Variants in ATG4B observed in about 807,000 individuals in gnomAD.
ATG4B encodes cysteine protease ATG4B.
In ATG4B, 29 loss-of-function variants were observed where a neutral mutation model predicts 56.6. That is an observed-to-expected ratio of 0.51 (90% CI 0.38 to 0.70). ATG4B has a LOEUF of 0.70. Ranked by LOEUF, ATG4B falls within the 30% of genes least tolerant of loss-of-function variation. ATG4B has a pLI of 0.00. For missense variants in ATG4B, 461 were observed against 515.5 expected (o/e 0.89, Z 1.02); for synonymous variants, 224 against 206.1 (o/e 1.09, Z -0.74).
rs975978912 is a variant in ATG4B, at chr2:241,673,125, G to A, written c.*861G>A. 1.1e-5 allele frequency: 2 copies of A among 190,104 alleles called. No individual in the cohort carries two copies. The highest frequency in any genetic ancestry group is 4.6e-5 in the African/African-American group (2 of 43,736). 11.8% of individuals were successfully genotyped at this position (190,104 alleles called of 1,614,324 possible). On this transcript the variant is annotated 3_prime_UTR_variant, in exon 13 of 13. Transcript: ENST00000404914. ...TCCCAGGAGCCTTCCCCATGTCCTTGCCTTGCTGAGAATTGCCCTCCCATG... is the reference window on the plus strand; with the variant it reads ...TCCCAGGAGCCTTCCCCATGTCCTTACCTTGCTGAGAATTGCCCTCCCATG...
At chr2:241,662,124 CCT>C (rs1309119336) in intron 7 of ATG4B, among the ~76,000 whole-genome samples, 2 of 152,110 alleles carry the variant, frequency 1.3e-5, no homozygotes, top group South Asian at 2.1e-4. Context: ...AGAAAATTCC[CCT>C]GAGTTGGTGA....
intron 5 of ATG4B, 66 bp downstream of exon 5, chr2:241,654,713 C>A: frequency 1.5e-6 from 2 of 1,292,600 alleles, no homozygotes; most frequent in Non-Finnish European, 2.2e-6. Context: ...TGGTCGGTTT[C>A]CCCTCAGAGC....
intron 1 of ATG4B, among the ~76,000 whole-genome samples, chr2:241,642,043 AC>A (rs908638804): frequency 3.3e-5 from 5 of 151,792 alleles, no homozygotes; most frequent in African/African-American, 4.8e-5. Context: ...TAAAAAAAAA[AC>A]AGAACTTGAA....
At position 241,642,899 on chromosome 2, in the gene ATG4B, A is replaced by T. The variant is rs1306471945; in HGVS notation, c.10+5175A>T. ...TTTTTTTTTTTTTTTTTTTTTTTTT[A>T]AGACGGAGTCTCACTGTCGCCCAGA... On this transcript the variant is annotated intron_variant, in intron 1 of 12. Coordinates refer to ENST00000404914, the MANE Select transcript of ATG4B (RefSeq NM_013325.5). Among the ~76,000 whole-genome samples the T allele has an allele frequency of 8.5e-3, 153 of 17,986 alleles. 2 individuals carry two copies. Among genetic ancestry groups the T allele is most frequent in the African/African-American group, 0.02 (72 of 3,590 alleles). 11.8% of individuals were successfully genotyped at this position (17,986 alleles called of 152,430 possible). A position where few individuals can be genotyped will look rare whatever the true frequency, so the allele number is the denominator to read the frequency against.
At chr2:241,647,970 C>G (rs1429864866) in intron 1 of ATG4B, among the ~76,000 whole-genome samples, 1 of 152,002 alleles carries the variant, frequency 6.6e-6, no homozygotes, top group African/African-American at 2.4e-5. Context: ...AAAAATTAGC[C>G]GGGCATGGTG....
intron 6 of ATG4B, among the ~76,000 whole-genome samples, chr2:241,657,701 C>A (rs1256492064): frequency 6.6e-6 from 1 of 152,230 alleles, no homozygotes; most frequent in Non-Finnish European, 1.5e-5. Context: ...AGTGTTCATC[C>A]TTTCACTCCC....
intron 1 of ATG4B, among the ~76,000 whole-genome samples, chr2:241,647,662 T>A (rs977458899): frequency 1.4e-5 from 2 of 143,970 alleles, no homozygotes; most frequent in Admixed American, 7.0e-5. Context: ...ATTAGACCGG[T>A]GGTGTTTTCA....
chr2:241,653,238 C>T lies in ATG4B; in HGVS notation c.185-274C>T, dbSNP rs879523097. 4.3e-6 allele frequency: 5 copies of T among 1,155,256 alleles called. No individual in the cohort carries two copies. In the East Asian group the frequency reaches 1.1e-4, roughly 25 times the overall value. The allele number at this position is 1,155,256 out of a possible 1,614,324, so 71.6% of individuals were successfully genotyped here. A position where few individuals can be genotyped will look rare whatever the true frequency, so the allele number is the denominator to read the frequency against. ...CTGGATGACTTACGGGGGTCAGTGTCTTCATATGTTTGTCAGACATTCCTT... is the reference window on the plus strand; with the variant it reads ...CTGGATGACTTACGGGGGTCAGTGTTTTCATATGTTTGTCAGACATTCCTT... On this transcript the variant is annotated intron_variant, in intron 3 of 12. Coordinates refer to ENST00000404914, the MANE Select transcript of ATG4B (RefSeq NM_013325.5).
intron 3 of ATG4B, among the ~76,000 whole-genome samples, chr2:241,652,384 C>T (rs1049519005): frequency 1.1e-4 from 16 of 152,194 alleles, no homozygotes; most frequent in Admixed American, 7.2e-4. Context: ...AGGACTGGAG[C>T]GAAGCCTTTC....
chr2:241,657,290 C>CTT (rs770740815), intron 6 of ATG4B, among the ~76,000 whole-genome samples: 10 of 128,458 alleles, frequency 7.8e-5, no homozygotes, highest in Non-Finnish European at 6.6e-5. Context: ...TCCTCTCTTT[C>CTT]TTTTTTTTTT....
Position 241,671,921 on chromosome 2 carries a change from G to C in ATG4B, c.1109-270G>C, listed in dbSNP as rs571875477. The C allele has an allele frequency of 5.8e-6, 8 of 1,368,248 alleles. No individual in the cohort carries two copies. The African/African-American group carries it at 1.2e-4, about 20-fold the overall frequency. The allele number at this position is 1,368,248 out of a possible 1,614,324, so 84.8% of individuals were successfully genotyped here. A position where few individuals can be genotyped will look rare whatever the true frequency, so the allele number is the denominator to read the frequency against. ...CAATGGAACCACTCCTGATGACCAC[G>C]AGGGTCAGACGCGGGACAGAGGCCC... On this transcript the variant is annotated intron_variant, in intron 12 of 12. Transcript: ENST00000404914.
rs1157506339 is a variant in ATG4B at position 241,654,591 on chromosome 2, G to A, written c.329G>A (p.Ser110Asn). ...QRKRQPDSYF[S>N]VLNAFIDRKD... The stretch of plus-strand genomic sequence containing the variant: ...AAGAGGCAGCCAGACAGCTACTTCA[G>A]CGTCCTCAACGCATTCATCGACAGG... The change falls in exon 5 of 13, where the codon AGC becomes AAC. Residue 110 changes from serine (S) to asparagine (N), a missense_variant. Transcript: ENST00000404914. 1.9e-6 allele frequency: 3 copies of A among 1,603,394 alleles called. No homozygotes were observed. The highest frequency in any genetic ancestry group is 2.2e-5 in the East Asian group (1 of 44,580).
At chr2:241,650,971 T>TA in intron 1 of ATG4B, 39 bp from the exon 2 acceptor site, 1 of 1,535,282 alleles carries the variant, frequency 6.5e-7, no homozygotes, top group Non-Finnish European at 9.0e-7. Flanking sequence ...TTTATGAAAT[T>TA]ATAAGTGTCT....
At chr2:241,666,140 G>A (rs1230231229) in intron 7 of ATG4B, among the ~76,000 whole-genome samples, 12 of 152,226 alleles carry the variant, frequency 7.9e-5, no homozygotes, top group African/African-American at 2.2e-4. Context: ...GAGAAACCTC[G>A]ATCTAGACGC....
At chr2:241,670,539 A>AG in intron 10 of ATG4B, 187 bp from the exon 11 acceptor site, 1 of 633,454 alleles carries the variant, frequency 1.6e-6, no homozygotes, top group Admixed American at 2.5e-5. Context: ...GCACTGGTGC[A>AG]GGGGACCATG....
intron 6 of ATG4B, among the ~76,000 whole-genome samples, chr2:241,655,826 C>T (rs1305380974): frequency 3.9e-5 from 6 of 152,360 alleles, no homozygotes; most frequent in African/African-American, 1.2e-4. Context: ...TCCTTTCGCA[C>T]CTCACTCAGC....
chr2:241,645,478 C>T (rs748576752), intron 1 of ATG4B, among the ~76,000 whole-genome samples: 1 of 152,228 alleles, frequency 6.6e-6, no homozygotes, highest in Admixed American at 6.5e-5. Flanking sequence ...CGGTTCGTGA[C>T]TGCTCACCCG....
At chr2:241,662,415 T>A (rs1265317723) in intron 7 of ATG4B, among the ~76,000 whole-genome samples, 1 of 152,206 alleles carries the variant, frequency 6.6e-6, no homozygotes, top group African/African-American at 2.4e-5. Flanking sequence ...TGTGTAGTTG[T>A]CATTGATAGA....
chr2:241,671,635 C>G (rs1130910), intron 12 of ATG4B: 573,875 of 1,466,480 alleles, frequency 0.39, 114,870 homozygotes, highest in Middle Eastern at 0.51. Context: ...GCTGCCTGCC[C>G]GGGCGCTGTG....
Sources: allele counts gnomAD v4.1 joint callset (sites outside exome capture counted in the v4.1 genomes callset), GRCh38; gene constraint gnomAD v4.1.1; transcripts MANE v1.5; gene names NCBI Gene and HGNC (gene_info 2026-07-23, HGNC 2026-07-21).